Variants in MICU2 observed in about 807,000 individuals in gnomAD.
MICU2 encodes the protein mitochondrial calcium uptake 2.
Under a neutral mutation model 60.4 loss-of-function variants are expected in MICU2, and 64 were observed. That is an observed-to-expected ratio of 1.06 (90% confidence interval 0.87 to 1.31). MICU2 has a LOEUF of 1.31. MICU2 is among the 50% of genes most tolerant of loss of function. The pLI is 0.00. For missense variants in MICU2, 569 were observed against 531.0 expected, an observed-to-expected ratio of 1.07 and a Z score of -0.70; for synonymous variants, 201 against 175.0, an observed-to-expected ratio of 1.15 and a Z score of -1.17.
At position 21,501,222 on chromosome 13, in the gene MICU2, G is replaced by T. The variant is rs1261119494; in HGVS notation, c.933+1704C>A. Among the ~76,000 whole-genome samples, 3 of 151,540 alleles carry T rather than the reference G, an allele frequency of 2.0e-5. No individual in the cohort carries two copies. In the East Asian group the frequency reaches 5.8e-4, roughly 29 times the overall value. On this transcript the variant is annotated intron_variant, in intron 9 of 11. Coordinates refer to ENST00000382374, the MANE Select transcript of MICU2 (RefSeq NM_152726.3). ...GTAACAAACTGTTTTAGTTACCAAGGTTTGATAATATATTTTAATATGTTG... is the reference window on the plus strand; with the variant it reads ...GTAACAAACTGTTTTAGTTACCAAGTTTTGATAATATATTTTAATATGTTG...
chr13:21,587,887 C>T (rs143223410), intron 1 of MICU2, among the ~76,000 whole-genome samples: 1 of 152,326 alleles, frequency 6.6e-6, no homozygotes, highest in East Asian at 1.9e-4. Flanking sequence ...TCAGTGAATA[C>T]TGAATCTTGA....
intron 1 of MICU2, among the ~76,000 whole-genome samples, chr13:21,574,119 G>A (rs1463820505): frequency 1.3e-5 from 2 of 152,208 alleles, no homozygotes; most frequent in Non-Finnish European, 2.9e-5. Context: ...ATGGAATGCA[G>A]TGGTGGAGAT....
chr13:21,506,296 G>A (rs527555991), intron 8 of MICU2, among the ~76,000 whole-genome samples: 1 of 152,318 alleles, frequency 6.6e-6, no homozygotes, highest in Admixed American at 6.5e-5. Flanking sequence ...GATTACAGGT[G>A]TGAGCCGCCG....
At chr13:21,594,089 C>G (rs950517127) in intron 1 of MICU2, among the ~76,000 whole-genome samples, 1 of 152,124 alleles carries the variant, frequency 6.6e-6, no homozygotes, top group Non-Finnish European at 1.5e-5. Flanking sequence ...TCAGGGTGAA[C>G]AGGCAACTTA....
At chr13:21,507,964 T>C (rs999267198) in intron 8 of MICU2, among the ~76,000 whole-genome samples, 1 of 152,024 alleles carries the variant, frequency 6.6e-6, no homozygotes, top group Non-Finnish European at 1.5e-5. Context: ...AGTCTCACTC[T>C]GTCACCCAGG....
At chr13:21,519,556 G>A (rs28368953) in intron 6 of MICU2, among the ~76,000 whole-genome samples, 2,394 of 152,258 alleles carry the variant, frequency 0.016, 47 homozygotes, top group African/African-American at 0.05. Flanking sequence ...TGCTCCCCAA[G>A]TCTCTGGTCT....
At position 21,556,481 on chromosome 13, in the gene MICU2, A is replaced by G. The variant is rs927434609; in HGVS notation, c.358+10316T>C. On this transcript the variant is annotated intron_variant, in intron 2 of 11. Coordinates refer to ENST00000382374, the MANE Select transcript of MICU2 (RefSeq NM_152726.3). ...AGATCTCATCAAGTATTTTAGCCTTAAATAGCACGTATATATTGAAGATTC... is the reference window on the plus strand; with the variant it reads ...AGATCTCATCAAGTATTTTAGCCTTGAATAGCACGTATATATTGAAGATTC... 5.3e-5 allele frequency among the ~76,000 whole-genome samples: 8 copies of G among 152,220 alleles called. 1 individual carries two copies.
intron 2 of MICU2, among the ~76,000 whole-genome samples, chr13:21,565,823 ACT>A (rs1275791629): frequency 7.9e-5 from 12 of 152,194 alleles, no homozygotes; most frequent in African/African-American, 1.9e-4. Flanking sequence ...ACAGAGCAAG[ACT>A]CTGTTTCAAA....
intron 4 of MICU2, among the ~76,000 whole-genome samples, chr13:21,532,983 A>C (rs1455492255): frequency 1.3e-5 from 2 of 152,196 alleles, no homozygotes; most frequent in Non-Finnish European, 2.9e-5. Flanking sequence ...GATGGGGTAA[A>C]ATAGGGAAAA....
chr13:21,600,397 A>G (rs902207096), intron 1 of MICU2, among the ~76,000 whole-genome samples: 1 of 152,210 alleles, frequency 6.6e-6, no homozygotes, highest in Non-Finnish European at 1.5e-5. Flanking sequence ...TTCCTTCAGG[A>G]AACCAAGACT....
intron 2 of MICU2, among the ~76,000 whole-genome samples, chr13:21,540,576 C>G (rs79636943): frequency 4.1e-4 from 62 of 152,190 alleles, no homozygotes; most frequent in Non-Finnish European, 6.3e-4. Context: ...AGGGCAAATT[C>G]TATTATTTGG....
In MICU2 at chr13:21,557,828, A is replaced by C. The variant is rs552266544; in HGVS notation, c.358+8969T>G. On this transcript the variant is annotated intron_variant, in intron 2 of 11. Transcript: ENST00000382374. The stretch of plus-strand genomic sequence containing the variant: ...TTGATTTAGCTAAATGCCTTCTGAT[A>C]GTTTAATTGCATTCCAATGAATAAT... Among the ~76,000 whole-genome samples, 15 of 152,366 alleles carry C rather than the reference A, an allele frequency of 9.8e-5. No individual in the cohort carries two copies. In the South Asian group the frequency reaches 1.7e-3, roughly 17 times the overall value.
chr13:21,500,417 ATTTTTTTTTTTT>A (rs10608018), intron 9 of MICU2, among the ~76,000 whole-genome samples: 8 of 124,960 alleles, frequency 6.4e-5, no homozygotes, highest in African/African-American at 2.4e-4. Context: ...ATACCTACTG[ATTTTTTTTTTTT>A]TTTTTTTTTT....
intron 4 of MICU2, among the ~76,000 whole-genome samples, chr13:21,528,110 A>AAT (rs1396181071): frequency 6.6e-6 from 1 of 152,072 alleles, no homozygotes; most frequent in Non-Finnish European, 1.5e-5. Context: ...CAGTTTAAAA[A>AAT]ATATATATAT....
At chr13:21,527,048 T>C (rs1886876200) in intron 4 of MICU2, among the ~76,000 whole-genome samples, 1 of 152,224 alleles carries the variant, frequency 6.6e-6, no homozygotes, top group African/African-American at 2.4e-5. Flanking sequence ...AATGGCTTCC[T>C]TTTTTTGAAT....
At chr13:21,555,749 CT>C (rs111488319) in intron 2 of MICU2, among the ~76,000 whole-genome samples, 10 of 152,172 alleles carry the variant, frequency 6.6e-5, no homozygotes, top group East Asian at 1.9e-4. Flanking sequence ...CCTTCCCCCC[CT>C]CTTCACTCTC....
At chr13:21,570,572 A>G (rs751203906) in intron 1 of MICU2, among the ~76,000 whole-genome samples, 34 of 152,230 alleles carry the variant, frequency 2.2e-4, no homozygotes, top group Non-Finnish European at 4.6e-4. Context: ...ATGCACTGTA[A>G]TAAAAGTCTG....
intron 2 of MICU2, among the ~76,000 whole-genome samples, chr13:21,554,892 C>T (rs1887664819): frequency 6.6e-6 from 1 of 152,116 alleles, no homozygotes; most frequent in Admixed American, 6.5e-5. Flanking sequence ...CTATAAACAC[C>T]TCTACGCAAA....
chr13:21,566,085 T>C (rs1887974475), intron 2 of MICU2, among the ~76,000 whole-genome samples: 1 of 152,214 alleles, frequency 6.6e-6, no homozygotes. Flanking sequence ...TTCGTTTTTG[T>C]TCATCATCCC....
Sources: allele counts gnomAD v4.1 joint callset (sites outside exome capture counted in the v4.1 genomes callset), GRCh38; gene constraint gnomAD v4.1.1; transcripts MANE v1.5; gene names NCBI Gene and HGNC (gene_info 2026-07-23, HGNC 2026-07-21).